SGCZ: variants seen among roughly 807,000 people sequenced by gnomAD.
SGCZ encodes the protein sarcoglycan zeta.
A neutral mutation model predicts 41.3 loss-of-function variants in SGCZ; 40 were observed. The observed-to-expected ratio is 0.97, with a 90% CI of 0.75 to 1.26. SGCZ has a LOEUF of 1.26. Among genes scored for constraint, SGCZ ranks in the 50% most tolerant of loss-of-function variants. SGCZ has a pLI of 0.00. For missense variants in SGCZ, 552 were observed against 369.8 expected (o/e 1.49, Z -4.04); for synonymous variants, 206 against 137.5 (o/e 1.50, Z -3.49).
Position 14,823,008 on chromosome 8 carries a change from C to A in SGCZ, c.40-268082G>T, listed in dbSNP as rs547404382. Among the ~76,000 whole-genome samples the A allele has an allele frequency of 2.1e-5, 3 of 144,970 alleles. No homozygotes were observed. In the East Asian group the frequency reaches 6.3e-4, roughly 30 times the overall value. On this transcript the variant is annotated intron_variant, in intron 1 of 7. Transcript: ENST00000382080. ...GGCAGAGATTGCAGTAAGCCAAGAT[C>A]GCGCCACTGCACTCCAGCCTGGGCA...
intron 1 of SGCZ, among the ~76,000 whole-genome samples, chr8:14,777,836 G>A (rs1800461129): frequency 6.7e-6 from 1 of 149,522 alleles, no homozygotes; most frequent in Non-Finnish European, 1.5e-5. Context: ...GAATCTGAGT[G>A]AAGGATATAC....
At chr8:15,172,302 C>A (rs1326361170) in intron 1 of SGCZ, among the ~76,000 whole-genome samples, 7 of 150,410 alleles carry the variant, frequency 4.7e-5, no homozygotes, top group Non-Finnish European at 1.5e-5. Flanking sequence ...GCTGGGACTA[C>A]AGGCGCGCGC....
At chr8:14,710,074 A>G (rs1043857245) in intron 1 of SGCZ, among the ~76,000 whole-genome samples, 3 of 152,172 alleles carry the variant, frequency 2.0e-5, no homozygotes, top group African/African-American at 4.8e-5. Context: ...TTTCTTAAGA[A>G]TAAATTAATG....
chr8:14,145,582 A>G (rs1050586214), intron 5 of SGCZ, among the ~76,000 whole-genome samples: 1 of 152,236 alleles, frequency 6.6e-6, no homozygotes, highest in African/African-American at 2.4e-5. Flanking sequence ...ACCTCAGTAA[A>G]TGAACTAAAA....
At chr8:15,022,620 G>C (rs902478926) in intron 1 of SGCZ, among the ~76,000 whole-genome samples, 1 of 152,152 alleles carries the variant, frequency 6.6e-6, no homozygotes, top group Non-Finnish European at 1.5e-5. Context: ...GGGATCACAG[G>C]CGTGAACCAT....
intron 2 of SGCZ, among the ~76,000 whole-genome samples, chr8:14,537,994 T>C (rs2117142712): frequency 6.6e-6 from 1 of 152,104 alleles, no homozygotes; most frequent in East Asian, 1.9e-4. Flanking sequence ...ATCTGATTGC[T>C]GTACTCTCCA....
At chr8:14,378,176 T>A (rs1035569966) in intron 2 of SGCZ, among the ~76,000 whole-genome samples, 7 of 150,472 alleles carry the variant, frequency 4.7e-5, no homozygotes, top group Non-Finnish European at 8.8e-5. Context: ...TTTCTCCACA[T>A]CCTCTCCAGC....
intron 1 of SGCZ, among the ~76,000 whole-genome samples, chr8:14,702,972 GACAGA>G (rs1809217095): frequency 5.1e-5 from 3 of 58,710 alleles, no homozygotes; most frequent in African/African-American, 1.5e-4. Context: ...TAGATAGATA[GACAGA>G]CAGACAGACA....
At chr8:14,542,392 A>G (rs541227606) in intron 2 of SGCZ, among the ~76,000 whole-genome samples, 65 of 152,270 alleles carry the variant, frequency 4.3e-4, no homozygotes, top group African/African-American at 1.5e-3. Flanking sequence ...AATAAAGAAG[A>G]AGATGAAAAT....
chr8:14,319,588 T>C (rs764387737), intron 3 of SGCZ: 19 of 151,548 alleles, frequency 1.3e-4, no homozygotes, highest in Non-Finnish European at 2.5e-4. Context: ...GAAGGAATGA[T>C]TGGACTAATG....
intron 5 of SGCZ, among the ~76,000 whole-genome samples, chr8:14,110,758 A>T (rs1322369470): frequency 1.3e-5 from 2 of 152,136 alleles, no homozygotes; most frequent in African/African-American, 4.8e-5. Flanking sequence ...CAGCATAAAA[A>T]AATTAAAAAT....
chr8:14,787,990 A>G (rs939801998), intron 1 of SGCZ, among the ~76,000 whole-genome samples: 2 of 152,198 alleles, frequency 1.3e-5, no homozygotes, highest in African/African-American at 4.8e-5. Flanking sequence ...TCAGATGACC[A>G]CGATAATCAG....
chr8:15,089,753 G>T (rs754788721), intron 1 of SGCZ, among the ~76,000 whole-genome samples: 1 of 152,184 alleles, frequency 6.6e-6, no homozygotes, highest in South Asian at 2.1e-4. Context: ...TTACAGCTGC[G>T]TCATGTACAC....
intron 1 of SGCZ, among the ~76,000 whole-genome samples, chr8:15,104,507 A>G (rs952355105): frequency 2.6e-5 from 4 of 152,248 alleles, no homozygotes; most frequent in Non-Finnish European, 5.9e-5. Flanking sequence ...TTTAAAAAAT[A>G]AAAAGTAAAA....
intron 2 of SGCZ, among the ~76,000 whole-genome samples, chr8:14,430,182 C>G (rs1011416751): frequency 2.6e-5 from 4 of 152,040 alleles, no homozygotes; most frequent in African/African-American, 9.7e-5. Context: ...GGAATCCTCC[C>G]TACATCATTC....
intron 1 of SGCZ, among the ~76,000 whole-genome samples, chr8:15,064,379 C>A (rs1464757405): frequency 6.6e-6 from 1 of 152,108 alleles, no homozygotes; most frequent in African/African-American, 2.4e-5. Flanking sequence ...CCTCTCCTAT[C>A]CCCGCACATA....
chr8:14,299,455 A>C (rs1434418671), intron 3 of SGCZ, among the ~76,000 whole-genome samples: 1 of 151,998 alleles, frequency 6.6e-6, no homozygotes, highest in East Asian at 1.9e-4. Flanking sequence ...AATTCCTACA[A>C]ATTACAGTAG....
At chr8:14,364,485 G>C (rs577819124) in intron 2 of SGCZ, among the ~76,000 whole-genome samples, 12 of 152,054 alleles carry the variant, frequency 7.9e-5, no homozygotes, top group African/African-American at 2.9e-4. Flanking sequence ...AATGCATTGA[G>C]GATTTTTATA....
intron 1 of SGCZ, among the ~76,000 whole-genome samples, chr8:14,755,926 C>G (rs1169013434): frequency 6.6e-6 from 1 of 152,056 alleles, no homozygotes; most frequent in East Asian, 1.9e-4. Flanking sequence ...AATAAGTTCA[C>G]TTCAGTGCAT....
Sources: allele counts gnomAD v4.1 joint callset (sites outside exome capture counted in the v4.1 genomes callset), GRCh38; gene constraint gnomAD v4.1.1; transcripts MANE v1.5; gene names NCBI Gene and HGNC (gene_info 2026-07-23, HGNC 2026-07-21).